Variants in FAM118B observed in about 807,000 individuals in gnomAD.
FAM118B encodes the protein protein FAM118B.
In FAM118B, 24 loss-of-function variants were observed where a neutral mutation model predicts 38.5. The ratio of observed to expected loss-of-function variants is 0.62; its 90% CI spans 0.45 to 0.88. The LOEUF is 0.88. Among genes scored for constraint, FAM118B ranks in the 40% least tolerant of loss-of-function variants. The pLI is 0.00. For synonymous variants in FAM118B, 138 were observed against 156.3 expected, an observed-to-expected ratio of 0.88 and a Z score of 0.87; for missense variants, 334 against 420.0, an observed-to-expected ratio of 0.80 and a Z score of 1.79.
chr11:126,262,083 GA>G, intron 8 of FAM118B, 36 bp from the exon 9 acceptor site: 1 of 1,613,276 alleles, frequency 6.2e-7, no homozygotes, highest in East Asian at 2.2e-5. Flanking sequence ...CCTGTTTTGT[GA>G]AACTTCATTT....
At chr11:126,237,663 T>G (rs1950295069) in intron 3 of FAM118B, among the ~76,000 whole-genome samples, 2 of 115,308 alleles carry the variant, frequency 1.7e-5, no homozygotes, top group Admixed American at 1.0e-4. Flanking sequence ...GGTAACATAG[T>G]GAAACCCTGT....
intron 1 of FAM118B, among the ~76,000 whole-genome samples, chr11:126,218,925 C>A (rs577444775): frequency 2.0e-5 from 3 of 152,218 alleles, no homozygotes; most frequent in Non-Finnish European, 2.9e-5. Context: ...TTACTCCAGA[C>A]CCATTTCAGA....
chr11:126,229,492 C>G (rs635413), intron 2 of FAM118B, among the ~76,000 whole-genome samples, 199 bp downstream of exon 2: 110,595 of 152,048 alleles, frequency 0.73, 41,291 homozygotes, highest in East Asian at 1. Context: ...ACCCAAGCTG[C>G]AGTGCAGTGG....
At chr11:126,227,694 G>A (rs1279408996) in intron 1 of FAM118B, among the ~76,000 whole-genome samples, 1 of 152,086 alleles carries the variant, frequency 6.6e-6, no homozygotes, top group Non-Finnish European at 1.5e-5. Flanking sequence ...CACAATGTGG[G>A]GACCTCCAGG....
At position 126,262,203 on chromosome 11, in the gene FAM118B, A is replaced by G; in HGVS notation, c.*70A>G. 1.3e-6 allele frequency: 2 copies of G among 1,545,610 alleles called. No homozygotes were observed. The highest frequency in any genetic ancestry group is 1.8e-6 in the Non-Finnish European group (2 of 1,119,766). On this transcript the variant is annotated 3_prime_UTR_variant, in exon 9 of 9. Transcript: ENST00000533050. Reference sequence around the variant, plus strand: ...CTACTACAGACAGTGTTTAACAAGTAAACTTACAAGAACCCAACACAATTC... The same window carrying G: ...CTACTACAGACAGTGTTTAACAAGTGAACTTACAAGAACCCAACACAATTC...
At chr11:126,223,848 A>G (rs1414670904) in intron 1 of FAM118B, among the ~76,000 whole-genome samples, 1 of 152,198 alleles carries the variant, frequency 6.6e-6, no homozygotes, top group Non-Finnish European at 1.5e-5. Context: ...TGGAACCTTA[A>G]GTTGAAGTTT....
At chr11:126,241,439 T>G (rs1421681754) in intron 4 of FAM118B, among the ~76,000 whole-genome samples, 1 of 152,228 alleles carries the variant, frequency 6.6e-6, no homozygotes. Context: ...CAGTTTTTAG[T>G]GTTCTTTTTA....
chr11:126,233,972 A>G (rs1950240255), intron 2 of FAM118B, among the ~76,000 whole-genome samples: 2 of 152,068 alleles, frequency 1.3e-5, no homozygotes, highest in Admixed American at 6.6e-5. Context: ...GTCCCAGGTG[A>G]TGGAGAGGCT....
intron 3 of FAM118B, among the ~76,000 whole-genome samples, chr11:126,236,843 TGC>T (rs2135160933): frequency 6.6e-6 from 1 of 151,948 alleles, no homozygotes; most frequent in Admixed American, 6.6e-5. Flanking sequence ...AAATTTCTGT[TGC>T]GTTATTTTTG....
At chr11:126,216,896 A>T (rs958547797) in intron 1 of FAM118B, among the ~76,000 whole-genome samples, 4 of 152,194 alleles carry the variant, frequency 2.6e-5, no homozygotes, top group African/African-American at 9.7e-5. Context: ...TCATTCATTT[A>T]TTTTCCAGCT....
chr11:126,238,972 CTTT>C (rs533350695), intron 3 of FAM118B, among the ~76,000 whole-genome samples: 3 of 129,862 alleles, frequency 2.3e-5, no homozygotes, highest in Non-Finnish European at 1.6e-5. Context: ...AAGTGGAAGT[CTTT>C]TTTTTTTTTT....
chr11:126,259,490 A>G (rs1468401932), intron 7 of FAM118B, among the ~76,000 whole-genome samples: 4 of 150,646 alleles, frequency 2.7e-5, no homozygotes, highest in Non-Finnish European at 5.9e-5. Context: ...CAGTGGCACA[A>G]TCTCGGCTCA....
In FAM118B at chr11:126,250,676, G is replaced by A; in HGVS notation, c.510G>A (p.Leu170=). 1 of 1,614,130 alleles carries A rather than the reference G, an allele frequency of 6.2e-7. No homozygotes were observed. Among genetic ancestry groups the A allele is most frequent in the Non-Finnish European group, 8.5e-7 (1 of 1,180,014 alleles). Residue 170 remains leucine (L), a synonymous_variant, in exon 5 of 9, where the codon CTG becomes CTA. Transcript: ENST00000533050. This position sits in a 1 kb window ranked among gnomAD's most constrained non-coding sequence, Gnocchi z 5.1. Reference sequence around the variant, plus strand: ...CAAATTTTGATAATCTCTTGGAACTGTATGCAGCAGATCAGGGGAAACAGC... The same window carrying A: ...CAAATTTTGATAATCTCTTGGAACTATATGCAGCAGATCAGGGGAAACAGC... ...LTTNFDNLLE[L]YAADQGKQLE...
In FAM118B at chr11:126,256,760, G is replaced by C. The variant is rs762624907; in HGVS notation, c.890G>C (p.Gly297Ala). Reference protein sequence around the residue: ...KKLRENMLDKGIKVISYGDDY... With the variant: ...KKLRENMLDKAIKVISYGDDY... ...CTTCGAGAAAACATGCTGGACAAGG[G>C]GATTAAAGTCATCTCCTATGGAGAT... The change falls in exon 7 of 9, where the codon GGG (glycine) becomes GCG (alanine). Residue 297 changes from glycine to alanine, a missense_variant. Transcript: ENST00000533050. The surrounding 1 kb of genome is among the most constrained non-coding windows in gnomAD (Gnocchi z 6.6). The C allele has an allele frequency of 5.8e-5, 93 of 1,613,902 alleles. No homozygotes were observed. The highest frequency in any genetic ancestry group is 2.0e-4 in the Admixed American group (12 of 59,974).
Position 126,240,914 on chromosome 11 carries a change from AG to A in FAM118B, c.211del (p.Ala71ProfsTer12). The A allele has an allele frequency of 6.2e-7, 1 of 1,614,194 alleles. No individual in the cohort carries two copies. ...PALKSWKGLI[Q>X]ALLDAAIDFD... ...CTCAAATCCTGGAAGGGGTTAATTC[AG>A]GCCTTACTGGATGCTGCCATTGATT... is the stretch of plus-strand genomic sequence containing the variant. On this transcript the variant is annotated frameshift_variant, in exon 4 of 9. Transcript: ENST00000533050. LOFTEE classifies it high-confidence loss of function.
chr11:126,232,614 T>G (rs143966349), intron 2 of FAM118B, among the ~76,000 whole-genome samples: 1 of 152,198 alleles, frequency 6.6e-6, no homozygotes, highest in African/African-American at 2.4e-5. Flanking sequence ...TAGAACCATA[T>G]TTAAGAAAAG....
intron 3 of FAM118B, among the ~76,000 whole-genome samples, chr11:126,235,999 A>G (rs1188034753): frequency 6.6e-6 from 1 of 152,180 alleles, no homozygotes; most frequent in Admixed American, 6.5e-5. Context: ...CTGACAGAAG[A>G]ATAAATCTCC....
intron 1 of FAM118B, among the ~76,000 whole-genome samples, chr11:126,228,928 G>C (rs1950176162): frequency 6.6e-6 from 1 of 152,178 alleles, no homozygotes; most frequent in Admixed American, 6.5e-5. Flanking sequence ...AGACTTGGAA[G>C]AATCTGCATT....
intron 3 of FAM118B, among the ~76,000 whole-genome samples, chr11:126,240,551 A>C (rs538459010): frequency 6.6e-6 from 1 of 152,224 alleles, no homozygotes; most frequent in South Asian, 2.1e-4. Context: ...GGAAGGGAAA[A>C]CTGATTTTAA....
Sources: gnomAD v4.1 joint callset for allele counts (sites outside exome capture counted in the v4.1 genomes callset) on GRCh38, gnomAD v4.1.1 for gene constraint, Gnocchi (gnomAD v3.1) non-coding constraint, MANE v1.5 for transcripts, NCBI Gene and HGNC (gene_info 2026-07-23, HGNC 2026-07-21) for gene names.